NALF1: variants seen among roughly 807,000 people sequenced by gnomAD.
The protein encoded by NALF1 is family with sequence similarity 155 member A.
NALF1 carries 3 observed loss-of-function variants against 48.4 expected under a neutral mutation model. That is an observed-to-expected ratio of 0.06 (90% CI 0.03 to 0.16). NALF1 has a LOEUF of 0.16. Ranked by LOEUF, NALF1 falls within the 10% of genes least tolerant of loss-of-function variation. The pLI, the probability that NALF1 is intolerant of heterozygous loss-of-function variation, is 1.00. For missense variants in NALF1, 526 were observed against 571.5 expected, an observed-to-expected ratio of 0.92 and a Z score of 0.81; for synonymous variants, 262 against 245.7, an observed-to-expected ratio of 1.07 and a Z score of -0.62.
chr13:107,742,317 A>C (rs1217111707), intron 1 of NALF1, among the ~76,000 whole-genome samples: 1 of 152,148 alleles, frequency 6.6e-6, no homozygotes, highest in Admixed American at 6.5e-5. Context: ...TCTCTGTTCA[A>C]GTTTGTTATG....
intron 1 of NALF1, among the ~76,000 whole-genome samples, chr13:107,305,396 T>C (rs1156639560): frequency 3.9e-5 from 6 of 152,246 alleles, no homozygotes; most frequent in Admixed American, 3.9e-4. Context: ...TAATGGGATT[T>C]CTAAAACAAA....
intron 1 of NALF1, among the ~76,000 whole-genome samples, chr13:107,423,463 G>A (rs752721186): frequency 3.3e-5 from 5 of 152,132 alleles, no homozygotes; most frequent in Admixed American, 6.6e-5. Flanking sequence ...GTCACTGGCA[G>A]TATTTTATAG....
chr13:107,765,866 C>G (rs1388335391), intron 1 of NALF1, among the ~76,000 whole-genome samples: 1 of 152,124 alleles, frequency 6.6e-6, no homozygotes, highest in African/African-American at 2.4e-5. Flanking sequence ...TACTATTAAA[C>G]TTTTATAAAT....
intron 1 of NALF1, among the ~76,000 whole-genome samples, chr13:107,846,474 C>T (rs993256737): frequency 2.0e-5 from 3 of 152,174 alleles, no homozygotes; most frequent in Non-Finnish European, 2.9e-5. Context: ...TTCCAGCCTG[C>T]CTCAGTACTC....
rs192109999 is a variant in NALF1 at position 107,368,455 on chromosome 13, C to T, written c.916-157700G>A. The stretch of plus-strand genomic sequence containing the variant: ...TACAGATGTGCACCACCACACCTGG[C>T]TAATTTTCTTACAGCTCTGGAAAAA... On this transcript the variant is annotated intron_variant, in intron 1 of 2. Coordinates refer to ENST00000375915, the MANE Select transcript of NALF1 (RefSeq NM_001080396.3). Among the ~76,000 whole-genome samples, 4 of 152,204 alleles carry T rather than the reference C, an allele frequency of 2.6e-5. No homozygotes were observed. In the East Asian group the frequency reaches 7.8e-4, roughly 29 times the overall value.
chr13:107,783,737 A>G (rs1050439151), intron 1 of NALF1, among the ~76,000 whole-genome samples: 1 of 151,916 alleles, frequency 6.6e-6, no homozygotes, highest in Admixed American at 6.6e-5. Flanking sequence ...GGAAGGCCGC[A>G]GGGTCCTCTG....
Position 107,604,759 on chromosome 13 carries a change from G to C in NALF1, c.915+260923C>G, listed in dbSNP as rs76979567. The stretch of plus-strand genomic sequence containing the variant: ...TGCTACTTCCAAGCTACCCGGTGGT[G>C]GTGGCCAGTGGGTGACATCATGAAG... On this transcript the variant is annotated intron_variant, in intron 1 of 2. Coordinates refer to ENST00000375915, the MANE Select transcript of NALF1 (RefSeq NM_001080396.3). 0.021 allele frequency among the ~76,000 whole-genome samples: 3,122 copies of C among 152,218 alleles called. 215 individuals are homozygous for C. The East Asian group carries it at 0.26, about 13-fold the overall frequency.
chr13:107,708,895 T>C (rs1594218834), intron 1 of NALF1, among the ~76,000 whole-genome samples: 1 of 152,198 alleles, frequency 6.6e-6, no homozygotes, highest in Non-Finnish European at 1.5e-5. Context: ...TTTTTCATTT[T>C]AGTTTTCTAT....
chr13:107,297,394 G>A (rs1163073048), intron 1 of NALF1, among the ~76,000 whole-genome samples: 2 of 152,118 alleles, frequency 1.3e-5, no homozygotes, highest in Admixed American at 1.3e-4. Context: ...ATTTATGTCT[G>A]AGTCTCATTT....
Position 107,557,001 on chromosome 13 carries a change from C to G in NALF1, c.915+308681G>C, listed in dbSNP as rs1877501725. On this transcript the variant is annotated intron_variant, in intron 1 of 2. Coordinates refer to ENST00000375915, the MANE Select transcript of NALF1 (RefSeq NM_001080396.3). ...ATTGTATAATGTGATTTTTCAACCT[C>G]TGAAATATCATGTGTTGGGTTATGA... Among the ~76,000 whole-genome samples the G allele has an allele frequency of 2.6e-5, 4 of 152,150 alleles. No homozygotes were observed. In the South Asian group the frequency reaches 8.3e-4, roughly 31 times the overall value.
At chr13:107,536,326 T>G (rs1876809977) in intron 1 of NALF1, among the ~76,000 whole-genome samples, 1 of 152,074 alleles carries the variant, frequency 6.6e-6, no homozygotes, top group Admixed American at 6.6e-5. Flanking sequence ...CACAACCTAC[T>G]CATCTGACAA....
At chr13:107,650,918 A>C (rs1307806126) in intron 1 of NALF1, among the ~76,000 whole-genome samples, 1 of 151,876 alleles carries the variant, frequency 6.6e-6, no homozygotes, top group Non-Finnish European at 1.5e-5. Flanking sequence ...ACTGGCGTCT[A>C]CTTGACGGGG....
chr13:107,651,619 T>C (rs1216137583), intron 1 of NALF1, among the ~76,000 whole-genome samples: 1 of 152,216 alleles, frequency 6.6e-6, no homozygotes, highest in Non-Finnish European at 1.5e-5. Context: ...AGTTTTGAAA[T>C]GGAGCAGACA....
In NALF1 at chr13:107,183,779, TG is replaced by T. The variant is rs1223167303; in HGVS notation, c.1088-12994del. On this transcript the variant is annotated intron_variant, in intron 2 of 2. Coordinates refer to ENST00000375915, the MANE Select transcript of NALF1 (RefSeq NM_001080396.3). ...AACAACGCATGTTCTCACTCATAAG[TG>T]GAAGTTGAACAATGAGAACACATGG... is the stretch of plus-strand genomic sequence containing the variant. Among the ~76,000 whole-genome samples the T allele has an allele frequency of 2.6e-5, 4 of 151,912 alleles. No individual in the cohort carries two copies. In the East Asian group the frequency reaches 7.7e-4, roughly 29 times the overall value.
rs1879278650 is a variant in NALF1, at chr13:107,191,466, T to C, written c.1087+19118A>G. Among the ~76,000 whole-genome samples the C allele has an allele frequency of 2.6e-5, 4 of 152,168 alleles. 1 individual carries two copies. The highest frequency in any genetic ancestry group is 2.6e-4 in the Admixed American group (4 of 15,276). On this transcript the variant is annotated intron_variant, in intron 2 of 2. Transcript: ENST00000375915. ...ATTACATTTTATTTCAAAAAATATATCTGAAAGTCTTGGAAGACCTATTAA... is the reference window on the plus strand; with the variant it reads ...ATTACATTTTATTTCAAAAAATATACCTGAAAGTCTTGGAAGACCTATTAA...
intron 1 of NALF1, among the ~76,000 whole-genome samples, chr13:107,582,096 T>C (rs939697484): frequency 2.6e-5 from 4 of 151,762 alleles, no homozygotes; most frequent in African/African-American, 9.7e-5. Flanking sequence ...TGAAACACAT[T>C]ATCTACACTA....
chr13:107,858,406 C>G (rs562436075), intron 1 of NALF1, among the ~76,000 whole-genome samples: 1 of 152,318 alleles, frequency 6.6e-6, no homozygotes, highest in East Asian at 1.9e-4. Flanking sequence ...AATTACCCAT[C>G]TCGGCTGGGT....
chr13:107,693,966 A>G (rs759430053), intron 1 of NALF1, among the ~76,000 whole-genome samples: 2 of 152,206 alleles, frequency 1.3e-5, no homozygotes, highest in African/African-American at 2.4e-5. Context: ...ATTAAATCGT[A>G]CATGTAACGT....
intron 1 of NALF1, among the ~76,000 whole-genome samples, chr13:107,393,021 C>T (rs1883652760): frequency 6.6e-6 from 1 of 152,034 alleles, no homozygotes; most frequent in South Asian, 2.1e-4. Context: ...TAAATAATGG[C>T]TCATTTTAGG....
Sources: allele counts gnomAD v4.1 joint callset (sites outside exome capture counted in the v4.1 genomes callset), GRCh38; gene constraint gnomAD v4.1.1; transcripts MANE v1.5; gene names NCBI Gene and HGNC (gene_info 2026-07-23, HGNC 2026-07-21).